BRWD1: variants seen among roughly 807,000 people sequenced by gnomAD.
The protein encoded by BRWD1 is bromodomain and WD repeat-containing protein 1.
In BRWD1, 82 loss-of-function variants were observed where a neutral mutation model predicts 251.2. The ratio of observed to expected loss-of-function variants is 0.33; its 90% CI spans 0.27 to 0.39. BRWD1 has a LOEUF of 0.39. BRWD1 is among the 10% of genes least tolerant of loss of function. BRWD1 has a pLI of 1.00. For synonymous variants in BRWD1, 918 were observed against 902.8 expected, an observed-to-expected ratio of 1.02 and a Z score of -0.30; for missense variants, 2,233 against 2,711.6, an observed-to-expected ratio of 0.82 and a Z score of 3.92.
In BRWD1 at chr21:39,213,477, A is replaced by C; in HGVS notation, c.3858+4T>G. 1.2e-6 allele frequency: 2 copies of C among 1,607,912 alleles called. No homozygotes were observed. The highest frequency in any genetic ancestry group is 1.7e-6 in the Non-Finnish European group (2 of 1,176,970). ...AACCATTATAAAATCAACAAACTTC[A>C]TACCAAATCCTCAGCATTTTGCTCA... is the stretch of plus-strand genomic sequence containing the variant. On this transcript the variant is annotated splice_donor_region_variant and intron_variant, in intron 33 of 40. Transcript: ENST00000342449.
At chr21:39,197,464 A>C in intron 40 of BRWD1, 49 bp from the exon 41 acceptor site, 1 of 1,409,092 alleles carries the variant, frequency 7.1e-7, no homozygotes, top group Admixed American at 2.3e-5. Flanking sequence ...AGTCTAAAGG[A>C]ATTATATGTT....
intron 19 of BRWD1, among the ~76,000 whole-genome samples, chr21:39,254,893 C>G (rs934475246): frequency 6.6e-6 from 1 of 152,074 alleles, no homozygotes; most frequent in Non-Finnish European, 1.5e-5. Flanking sequence ...ATTTATGACA[C>G]CTGAAACAAC....
chr21:39,311,268 A>G (rs1189765008), intron 4 of BRWD1, among the ~76,000 whole-genome samples: 1 of 152,082 alleles, frequency 6.6e-6, no homozygotes. Context: ...CCCAGAGTCA[A>G]GTGATCCTTC....
intron 21 of BRWD1, among the ~76,000 whole-genome samples, chr21:39,244,210 G>GCCCA (rs2034101686): frequency 6.6e-6 from 1 of 151,924 alleles, no homozygotes; most frequent in South Asian, 2.1e-4. Flanking sequence ...GACTACAGGT[G>GCCCA]CCCACCACCA....
downstream of BRWD1, chr21:39,184,886 A>G (rs1248773373): frequency 2.6e-4 from 39 of 152,208 alleles, no homozygotes; most frequent in Admixed American, 2.6e-3. Context: ...CAGAATAAAA[A>G]GGTTGTTTGG....
intron 19 of BRWD1, among the ~76,000 whole-genome samples, chr21:39,254,560 A>G (rs756595868): frequency 1.3e-4 from 20 of 152,228 alleles, no homozygotes; most frequent in Non-Finnish European, 2.6e-4. Flanking sequence ...TTGAATAATG[A>G]AAAGGAATAA....
intron 32 of BRWD1, among the ~76,000 whole-genome samples, chr21:39,214,959 T>G (rs1265413392): frequency 1.3e-5 from 2 of 150,896 alleles, no homozygotes; most frequent in Non-Finnish European, 2.9e-5. Context: ...CACACACGAT[T>G]GGGCTCACTG....
chr21:39,245,698 C>T (rs1257961081), intron 21 of BRWD1, among the ~76,000 whole-genome samples: 1 of 151,194 alleles, frequency 6.6e-6, no homozygotes, highest in African/African-American at 2.4e-5. Flanking sequence ...CTCCCGGGTT[C>T]AAGCTATTCT....
Position 39,192,441 on chromosome 21 carries a change from T to C in BRWD1, c.*3818A>G. The C allele has an allele frequency of 2.0e-6, 2 of 985,146 alleles. No individual in the cohort carries two copies. Among genetic ancestry groups the C allele is most frequent in the Middle Eastern group, 5.2e-4 (1 of 1,914 alleles). The allele number at this position is 985,146 out of a possible 1,614,324, so 61.0% of individuals were successfully genotyped here. On this transcript the variant is annotated 3_prime_UTR_variant, in exon 41 of 41. Coordinates refer to ENST00000342449, the MANE Select transcript of BRWD1 (RefSeq NM_033656.4). ...CTGTTAAGTTGCAAATTTCTTGGGGTTTCTGCTTTATTATTTCCTTGATAT... is the reference window on the plus strand; with the variant it reads ...CTGTTAAGTTGCAAATTTCTTGGGGCTTCTGCTTTATTATTTCCTTGATAT...
intron 8 of BRWD1, among the ~76,000 whole-genome samples, chr21:39,287,302 C>T (rs2035671828): frequency 6.6e-6 from 1 of 152,160 alleles, no homozygotes; most frequent in Admixed American, 6.6e-5. Context: ...AAGCTCTCCA[C>T]CTTTCTATCT....
At chr21:39,294,345 T>A (rs2836978) in intron 7 of BRWD1, among the ~76,000 whole-genome samples, 7 of 152,120 alleles carry the variant, frequency 4.6e-5, no homozygotes, top group Admixed American at 1.3e-4. Context: ...GGCTCTCTTA[T>A]ATCAACTAAC....
chr21:39,271,548 T>C (rs1052786891), intron 13 of BRWD1, among the ~76,000 whole-genome samples: 4 of 150,244 alleles, frequency 2.7e-5, no homozygotes, highest in African/African-American at 7.4e-5. Flanking sequence ...AAAAGCAAAA[T>C]TAGCCAGGCG....
At position 39,195,521 on chromosome 21, in the gene BRWD1, A is replaced by G; in HGVS notation, c.*738T>C. The G allele has an allele frequency of 2.0e-6, 2 of 984,414 alleles. No homozygotes were observed. Among genetic ancestry groups the G allele is most frequent in the African/African-American group, 3.5e-5 (2 of 57,318 alleles). The allele number at this position is 984,414 out of a possible 1,614,324, so 61.0% of individuals were successfully genotyped here. A position where few individuals can be genotyped will look rare whatever the true frequency, so the allele number is the denominator to read the frequency against. On this transcript the variant is annotated 3_prime_UTR_variant, in exon 41 of 41. Transcript: ENST00000342449. ...TTTGTTAGTGCACAATTTAAAAGAA[A>G]ATGCTCTGACTATGCTCTGGTCCTA...
At chr21:39,238,730 ACTT>A (rs1249008050) in intron 21 of BRWD1, among the ~76,000 whole-genome samples, 157 bp from the exon 22 acceptor site, 5 of 152,232 alleles carry the variant, frequency 3.3e-5, no homozygotes, top group African/African-American at 4.8e-5. Flanking sequence ...TAAAAAGCAA[ACTT>A]CTTCACTACA....
chr21:39,257,881 C>T (rs542655154), intron 18 of BRWD1, among the ~76,000 whole-genome samples: 40 of 152,184 alleles, frequency 2.6e-4, no homozygotes, highest in African/African-American at 9.1e-4. Flanking sequence ...TATGGCTGTT[C>T]ATTGTATCCT....
chr21:39,264,362 A>AAT, intron 17 of BRWD1, 98 bp downstream of exon 17: 1 of 752,518 alleles, frequency 1.3e-6, no homozygotes, highest in African/African-American at 1.9e-5. Context: ...GCAAAATATT[A>AAT]ATAATTGGGG....
chr21:39,304,295 A>G lies in BRWD1; in HGVS notation c.199-5713T>C, dbSNP rs999267120. 3.9e-5 allele frequency among the ~76,000 whole-genome samples: 6 copies of G among 151,944 alleles called. No individual in the cohort carries two copies. In the East Asian group the frequency reaches 1.2e-3, roughly 30 times the overall value. ...TGAGATAAAGAACAGGTAGACTTAA[A>G]CCCAATTATGTTTAATTATGTTAAA... On this transcript the variant is annotated intron_variant, in intron 4 of 40. Coordinates refer to ENST00000342449, the MANE Select transcript of BRWD1 (RefSeq NM_033656.4).
At chr21:39,241,828 T>C (rs1454071442) in intron 21 of BRWD1, among the ~76,000 whole-genome samples, 1 of 152,214 alleles carries the variant, frequency 6.6e-6, no homozygotes, top group Non-Finnish European at 1.5e-5. Context: ...TTTTAGTAAT[T>C]ACCATATTTC....
chr21:39,295,686 TGAA>T (rs945601379), intron 7 of BRWD1, 54 bp downstream of exon 7: 2 of 1,317,110 alleles, frequency 1.5e-6, no homozygotes, highest in Non-Finnish European at 2.0e-6. Context: ...TAGATGATTC[TGAA>T]GCACACTAAA....
Sources: allele counts gnomAD v4.1 joint callset (sites outside exome capture counted in the v4.1 genomes callset), GRCh38; gene constraint gnomAD v4.1.1; transcripts MANE v1.5; gene names NCBI Gene and HGNC (gene_info 2026-07-23, HGNC 2026-07-21).